Variants in STX8 observed in about 807,000 individuals in gnomAD.
The protein encoded by STX8 is syntaxin 8.
STX8 carries 23 observed loss-of-function variants against 37.5 expected under a neutral mutation model. That is an observed-to-expected ratio of 0.61 (90% CI 0.44 to 0.87). STX8 has a LOEUF of 0.87. Among genes scored for constraint, STX8 ranks in the 40% least tolerant of loss-of-function variants. The pLI is 0.00. For synonymous variants in STX8, 115 were observed against 99.1 expected, an observed-to-expected ratio of 1.16 and a Z score of -0.95; for missense variants, 313 against 284.7, an observed-to-expected ratio of 1.10 and a Z score of -0.71.
At chr17:9,279,165 T>A (rs966348431) in intron 7 of STX8, among the ~76,000 whole-genome samples, 8 of 151,922 alleles carry the variant, frequency 5.3e-5, no homozygotes, top group Non-Finnish European at 1.2e-4. Context: ...TCAAGCAATT[T>A]TCCTGCCTCA....
At chr17:9,574,236 A>C (rs981759116) in intron 1 of STX8, among the ~76,000 whole-genome samples, 2 of 150,558 alleles carry the variant, frequency 1.3e-5, no homozygotes. Flanking sequence ...GCGCCATTGC[A>C]CTCCAGCCTG....
intron 7 of STX8, among the ~76,000 whole-genome samples, chr17:9,348,957 A>G (rs1910615501): frequency 1.3e-5 from 2 of 152,174 alleles, no homozygotes; most frequent in South Asian, 4.1e-4. Context: ...CTGACTCTAC[A>G]AATACTATCT....
intron 7 of STX8, among the ~76,000 whole-genome samples, chr17:9,321,119 C>T (rs1312059508): frequency 2.6e-5 from 4 of 151,754 alleles, no homozygotes; most frequent in African/African-American, 7.3e-5. Context: ...ATTAAAGTTA[C>T]AATAGCAATA....
intron 7 of STX8, among the ~76,000 whole-genome samples, chr17:9,306,255 G>A (rs138550993): frequency 2.0e-4 from 30 of 152,140 alleles, no homozygotes; most frequent in African/African-American, 7.2e-4. Flanking sequence ...ACTCTGTGAT[G>A]CTCACACAAC....
intron 6 of STX8, among the ~76,000 whole-genome samples, chr17:9,417,054 C>G (rs1913224764): frequency 6.6e-6 from 1 of 152,174 alleles, no homozygotes; most frequent in Non-Finnish European, 1.5e-5. Flanking sequence ...TTCCACACCC[C>G]TATGGGTTCC....
At chr17:9,411,717 A>G (rs1265834931) in intron 6 of STX8, among the ~76,000 whole-genome samples, 2 of 152,244 alleles carry the variant, frequency 1.3e-5, no homozygotes, top group African/African-American at 4.8e-5. Flanking sequence ...ATCGTAATTC[A>G]AGCCAATAAT....
intron 1 of STX8, among the ~76,000 whole-genome samples, chr17:9,572,582 G>A (rs1368437270): frequency 6.6e-6 from 1 of 152,048 alleles, no homozygotes; most frequent in Non-Finnish European, 1.5e-5. Context: ...GCTAATTTTT[G>A]CGTTTTTAGT....
chr17:9,464,451 T>C (rs574915840), intron 6 of STX8, among the ~76,000 whole-genome samples: 1 of 151,540 alleles, frequency 6.6e-6, no homozygotes, highest in East Asian at 1.9e-4. Flanking sequence ...GCTGAATAAA[T>C]GATTGCTTAG....
chr17:9,463,126 T>C (rs903319768), intron 6 of STX8, among the ~76,000 whole-genome samples: 1 of 152,234 alleles, frequency 6.6e-6, no homozygotes. Flanking sequence ...TCCCTATGCC[T>C]AGCTGGCCTC....
chr17:9,548,250 A>G (rs539507337), intron 3 of STX8, among the ~76,000 whole-genome samples: 12 of 152,088 alleles, frequency 7.9e-5, no homozygotes, highest in Middle Eastern at 3.4e-3. Context: ...GATTACATGC[A>G]CATGCCACCA....
At chr17:9,376,541 T>C (rs868320333) in intron 7 of STX8, among the ~76,000 whole-genome samples, 53 of 152,354 alleles carry the variant, frequency 3.5e-4, no homozygotes, top group African/African-American at 1.2e-3. Flanking sequence ...TCAGGCCACC[T>C]GAGGCAGCAA....
chr17:9,386,569 T>TGGCA (rs1912021574), intron 6 of STX8, among the ~76,000 whole-genome samples: 1 of 151,586 alleles, frequency 6.6e-6, no homozygotes, highest in Admixed American at 6.6e-5. Context: ...GGGAGGGAGC[T>TGGCA]GGCAGGCGGG....
intron 4 of STX8, among the ~76,000 whole-genome samples, chr17:9,530,623 T>C (rs939643694): frequency 1.3e-5 from 2 of 152,230 alleles, no homozygotes; most frequent in Non-Finnish European, 2.9e-5. Flanking sequence ...TATCCTCTTG[T>C]GAAATTCAAG....
chr17:9,369,886 C>CAAAAAA (rs60178482), intron 7 of STX8, among the ~76,000 whole-genome samples: 8 of 52,142 alleles, frequency 1.5e-4, no homozygotes, highest in Admixed American at 2.8e-4. Flanking sequence ...GACCCTGTAC[C>CAAAAAA]AAAAAAAAAA....
At chr17:9,367,213 C>A (rs1355525968) in intron 7 of STX8, among the ~76,000 whole-genome samples, 1 of 145,330 alleles carries the variant, frequency 6.9e-6, no homozygotes, top group Non-Finnish European at 1.5e-5. Context: ...CTGTCCAGAT[C>A]CAAGTTTTGT....
At chr17:9,368,606 CCT>C (rs1207232390) in intron 7 of STX8, among the ~76,000 whole-genome samples, 1 of 152,204 alleles carries the variant, frequency 6.6e-6, no homozygotes, top group African/African-American at 2.4e-5. Context: ...CCCCTCCACA[CCT>C]CTCTTCAGAC....
intron 7 of STX8, among the ~76,000 whole-genome samples, chr17:9,333,269 G>A (rs1240605706): frequency 6.6e-6 from 1 of 152,086 alleles, no homozygotes; most frequent in Non-Finnish European, 1.5e-5. Context: ...CCCCACAATA[G>A]TCCCCAATGT....
At chr17:9,379,189 G>C (rs984378333) in intron 6 of STX8, among the ~76,000 whole-genome samples, 3 of 148,578 alleles carry the variant, frequency 2.0e-5, no homozygotes, top group African/African-American at 7.5e-5. Context: ...AGGTTGCACT[G>C]AGCCAAGATC....
At chr17:9,277,947 G>C (rs917048138) in intron 7 of STX8, among the ~76,000 whole-genome samples, 2 of 152,152 alleles carry the variant, frequency 1.3e-5, no homozygotes, top group Non-Finnish European at 2.9e-5. Flanking sequence ...CTAAGTACAA[G>C]GGAAGCAAGT....
Sources: gnomAD v4.1 joint callset for allele counts (sites outside exome capture counted in the v4.1 genomes callset) on GRCh38, gnomAD v4.1.1 for gene constraint, MANE v1.5 for transcripts, NCBI Gene and HGNC (gene_info 2026-07-23, HGNC 2026-07-21) for gene names.